ELMO1: variants seen among roughly 807,000 people sequenced by gnomAD.
ELMO1 encodes engulfment and cell motility protein 1.
In ELMO1, 26 loss-of-function variants were observed where a neutral mutation model predicts 98.9. That is an observed-to-expected ratio of 0.26 (90% confidence interval 0.19 to 0.36). The LOEUF is 0.36. Among genes scored for constraint, ELMO1 ranks in the 10% least tolerant of loss-of-function variants. The pLI, the probability that ELMO1 is intolerant of heterozygous loss-of-function variation, is 1.00. For synonymous variants in ELMO1, 346 were observed against 346.0 expected, an observed-to-expected ratio of 1.00 and a Z score of 0.00; for missense variants, 627 against 935.2, an observed-to-expected ratio of 0.67 and a Z score of 4.30.
chr7:37,231,743 C>T (rs59594829), intron 8 of ELMO1, among the ~76,000 whole-genome samples: 9,173 of 152,098 alleles, frequency 0.06, 934 homozygotes, highest in African/African-American at 0.21. Context: ...AATCAAATGC[C>T]GGCATTGCAC....
At chr7:37,074,079 A>G (rs1387476587) in intron 15 of ELMO1, among the ~76,000 whole-genome samples, 2 of 148,440 alleles carry the variant, frequency 1.3e-5, no homozygotes, top group East Asian at 3.9e-4. Flanking sequence ...TTAAATATAT[A>G]GTATAAATAT....
At chr7:37,225,317 G>A (rs1355866818) in intron 8 of ELMO1, among the ~76,000 whole-genome samples, 1 of 152,172 alleles carries the variant, frequency 6.6e-6, no homozygotes, top group Non-Finnish European at 1.5e-5. Flanking sequence ...TTATTCTCCT[G>A]AGTTTCATCT....
At chr7:37,153,747 C>T (rs536844288) in intron 13 of ELMO1, among the ~76,000 whole-genome samples, 1 of 152,188 alleles carries the variant, frequency 6.6e-6, no homozygotes, top group East Asian at 1.9e-4. Context: ...CAAAAGGCAG[C>T]AGACATCTTC....
intron 20 of ELMO1, among the ~76,000 whole-genome samples, chr7:36,862,512 G>A (rs899850932): frequency 6.6e-6 from 1 of 152,252 alleles, no homozygotes; most frequent in Non-Finnish European, 1.5e-5. Flanking sequence ...TCAGTGCCAT[G>A]TCTAATATGT....
intron 10 of ELMO1, among the ~76,000 whole-genome samples, chr7:37,221,757 G>A (rs972279539): frequency 6.6e-6 from 1 of 151,572 alleles, no homozygotes; most frequent in Non-Finnish European, 1.5e-5. Flanking sequence ...ACAGCAGTGT[G>A]ATGTCAGCTC....
At chr7:37,363,854 A>C (rs1014782468) in intron 1 of ELMO1, among the ~76,000 whole-genome samples, 6 of 152,216 alleles carry the variant, frequency 3.9e-5, no homozygotes, top group African/African-American at 1.2e-4. Context: ...CTTAGGAATC[A>C]GGGTAGAAAA....
At chr7:37,065,106 G>A in intron 15 of ELMO1, among the ~76,000 whole-genome samples, 1 of 151,744 alleles carries the variant, frequency 6.6e-6, no homozygotes, top group Non-Finnish European at 1.5e-5. Context: ...ACCCAGCCAG[G>A]GTTCTAACAC....
intron 4 of ELMO1, among the ~76,000 whole-genome samples, chr7:37,275,637 T>C (rs1434880117): frequency 9.2e-5 from 14 of 152,218 alleles, no homozygotes; most frequent in Non-Finnish European, 1.8e-4. Flanking sequence ...TGAGAGCAAT[T>C]ACTGCTGTCC....
intron 21 of ELMO1, among the ~76,000 whole-genome samples, chr7:36,861,269 T>G (rs1205326345): frequency 2.6e-5 from 4 of 152,138 alleles, no homozygotes; most frequent in African/African-American, 9.7e-5. Flanking sequence ...TTAAAGAAAT[T>G]TGGTAGAAAA....
chr7:37,179,077 G>A (rs568817875), intron 13 of ELMO1, among the ~76,000 whole-genome samples: 4 of 152,196 alleles, frequency 2.6e-5, no homozygotes, highest in Non-Finnish European at 4.4e-5. Flanking sequence ...TAGCATTGCC[G>A]GAAGCTAGGT....
chr7:36,943,798 G>A (rs528460904), intron 16 of ELMO1, among the ~76,000 whole-genome samples: 1 of 152,294 alleles, frequency 6.6e-6, no homozygotes, highest in Non-Finnish European at 1.5e-5. Flanking sequence ...CTTAACCCCA[G>A]TTCTGAATAA....
intron 10 of ELMO1, chr7:37,217,666 G>A (rs1386591073): frequency 2.2e-6 from 1 of 456,832 alleles, no homozygotes. Flanking sequence ...CAGCACAGGA[G>A]AGCAGGGCCC....
chr7:37,039,349 T>G (rs1795369811), intron 15 of ELMO1, among the ~76,000 whole-genome samples: 2 of 152,206 alleles, frequency 1.3e-5, no homozygotes, highest in African/African-American at 4.8e-5. Flanking sequence ...CTGGGCACTC[T>G]GACTGCAGGC....
At chr7:37,080,397 G>A (rs1338892112) in intron 15 of ELMO1, among the ~76,000 whole-genome samples, 1 of 151,062 alleles carries the variant, frequency 6.6e-6, no homozygotes, top group African/African-American at 2.4e-5. Flanking sequence ...GGTTACAAGG[G>A]CCTACAAGCA....
At chr7:37,300,528 A>G (rs549652296) in intron 4 of ELMO1, among the ~76,000 whole-genome samples, 45 of 69,840 alleles carry the variant, frequency 6.4e-4, no homozygotes, top group African/African-American at 2.2e-3. Context: ...TGAGATAATC[A>G]TGTGGTTTTT....
At chr7:37,233,274 T>C (rs1794282336) in intron 7 of ELMO1, 80 bp from the exon 8 acceptor site, 1 of 1,201,886 alleles carries the variant, frequency 8.3e-7, no homozygotes, top group Non-Finnish European at 1.2e-6. Context: ...TCTGGGAAAG[T>C]GAATACAAGC....
chr7:37,192,223 G>C (rs909717144), intron 13 of ELMO1, among the ~76,000 whole-genome samples: 1 of 151,874 alleles, frequency 6.6e-6, no homozygotes, highest in African/African-American at 2.4e-5. Flanking sequence ...AGGGCCAGGT[G>C]TGGTTGCTCA....
chr7:37,389,897 C>T (rs934122198), intron 1 of ELMO1, among the ~76,000 whole-genome samples: 2 of 151,986 alleles, frequency 1.3e-5, no homozygotes, highest in Non-Finnish European at 2.9e-5. Flanking sequence ...AATTAATCAC[C>T]GTAAGCAGAA....
intron 2 of ELMO1, among the ~76,000 whole-genome samples, chr7:37,323,112 T>C (rs1799608353): frequency 6.6e-6 from 1 of 152,188 alleles, no homozygotes; most frequent in Non-Finnish European, 1.5e-5. Flanking sequence ...TCTTGCAGCA[T>C]ATCAAAGTCT....
Sources: allele counts gnomAD v4.1 joint callset (sites outside exome capture counted in the v4.1 genomes callset), GRCh38; gene constraint gnomAD v4.1.1; transcripts MANE v1.5; gene names NCBI Gene and HGNC (gene_info 2026-07-23, HGNC 2026-07-21).